GUCY2F: variants seen among roughly 807,000 people sequenced by gnomAD.
GUCY2F encodes the protein retinal guanylyl cyclase 2.
Under a neutral mutation model 73.1 loss-of-function variants are expected in GUCY2F, and 61 were observed. The observed-to-expected ratio is 0.83, with a 90% CI of 0.68 to 1.03. GUCY2F has a LOEUF of 1.03. Among genes scored for constraint, GUCY2F ranks in the 50% least tolerant of loss-of-function variants. The probability of loss-of-function intolerance (pLI) is 0.00; values close to 1 mark genes in which losing one functional copy is unlikely to be tolerated. For synonymous variants in GUCY2F, 331 were observed against 307.8 expected, an observed-to-expected ratio of 1.08 and a Z score of -0.79; for missense variants, 912 against 854.3, an observed-to-expected ratio of 1.07 and a Z score of -0.84.
At position 109,465,122 on chromosome X, in the gene GUCY2F, A is replaced by C. The variant is rs770137904; in HGVS notation, c.1032+20T>G. The C allele has an allele frequency of 4.3e-5, 50 of 1,152,271 alleles. No homozygotes were observed. Among genetic ancestry groups the C allele is most frequent in the Non-Finnish European group, 5.7e-5 (48 of 846,797 alleles). The allele number at this position is 1,152,271 out of a possible 1,213,427, so 95.0% of individuals were successfully genotyped here. A position where few individuals can be genotyped will look rare whatever the true frequency, so the allele number is the denominator to read the frequency against. On this transcript the variant is annotated intron_variant, in intron 3 of 19. Coordinates refer to ENST00000218006, the MANE Select transcript of GUCY2F (RefSeq NM_001522.3). ...TGTTTTAGGTTCTCAGCTCATGACA[A>C]CCTATGAATGTGTACTTACTTGATC...
intron 8 of GUCY2F, among the ~76,000 whole-genome samples, chrX:109,419,407 A>G (rs978609291): frequency 7.2e-5 from 8 of 111,102 alleles, no homozygotes; most frequent in Non-Finnish European, 1.3e-4. Context: ...TCTTTCAAAA[A>G]CTATGTAATT....
intron 12 of GUCY2F, among the ~76,000 whole-genome samples, chrX:109,393,805 T>C (rs1930633565): frequency 8.9e-6 from 1 of 112,395 alleles, no homozygotes. Context: ...GTAGCCCCTC[T>C]GTACTGCTAT....
rs941900767 is a variant in GUCY2F, at chrX:109,465,235, G to A, written c.939C>T (p.Thr313=). Reference sequence around the variant, plus strand: ...TCTTTTCTTGGGACTCCACTGTAATGGTCAACACTGCATCATAGGCTTCCC... The same window carrying A: ...TCTTTTCTTGGGACTCCACTGTAATAGTCAACACTGCATCATAGGCTTCCC... ...KLREAYDAVL[T]ITVESQEKTF... is the part of the protein sequence containing the mutation. Residue 313 remains threonine (T), a synonymous_variant, in exon 3 of 20, where the codon ACC becomes ACT. Transcript: ENST00000218006. 1.3e-5 allele frequency: 16 copies of A among 1,205,233 alleles called. No homozygotes were observed. The highest frequency in any genetic ancestry group is 1.7e-5 in the Non-Finnish European group (15 of 890,834).
chrX:109,405,229 A>G (rs759336944), intron 9 of GUCY2F, among the ~76,000 whole-genome samples: 1 of 112,645 alleles, frequency 8.9e-6, no homozygotes, highest in East Asian at 2.8e-4. Context: ...TGTAATGCAT[A>G]TAAATACACA....
intron 10 of GUCY2F, among the ~76,000 whole-genome samples, chrX:109,403,812 G>C (rs1380487556): frequency 1.8e-5 from 2 of 112,085 alleles, no homozygotes; most frequent in East Asian, 2.8e-4. Flanking sequence ...TTTGACACAG[G>C]CATGGCTACT....
chrX:109,398,524 G>A (rs1221191135), intron 11 of GUCY2F, 25 bp downstream of exon 11: 2 of 1,188,275 alleles, frequency 1.7e-6, no homozygotes, highest in Non-Finnish European at 1.1e-6. Flanking sequence ...GGACCCCTGG[G>A]GCCCTTTTCT....
At chrX:109,444,899 C>A (rs2147274009) in intron 6 of GUCY2F, among the ~76,000 whole-genome samples, 1 of 111,267 alleles carries the variant, frequency 9.0e-6, no homozygotes, top group East Asian at 2.8e-4. Context: ...TTTTAAATAA[C>A]TGTGAGGGTG....
intron 16 of GUCY2F, chrX:109,383,237 C>T (rs1165806424): frequency 3.6e-5 from 5 of 137,467 alleles, no homozygotes; most frequent in African/African-American, 1.3e-4. Context: ...TACACATGCC[C>T]AGCCAGTATA....
intron 1 of GUCY2F, among the ~76,000 whole-genome samples, chrX:109,477,463 G>A (rs1932721314): frequency 8.9e-6 from 1 of 111,882 alleles, no homozygotes; most frequent in African/African-American, 3.3e-5. Flanking sequence ...GAAAAAAATA[G>A]AAAGCTGAAC....
At chrX:109,452,520 G>A (rs1932156450) in intron 4 of GUCY2F, among the ~76,000 whole-genome samples, 2 of 111,843 alleles carry the variant, frequency 1.8e-5, no homozygotes, top group Non-Finnish European at 3.8e-5. Flanking sequence ...ATTCACCTGA[G>A]CCCATATGAG....
chrX:109,400,452 G>A (rs1052243530), intron 10 of GUCY2F, among the ~76,000 whole-genome samples: 2 of 111,785 alleles, frequency 1.8e-5, no homozygotes, highest in Admixed American at 1.9e-4. Context: ...TGGGTATTGG[G>A]AAGAGAGTCC....
At chrX:109,399,210 T>G (rs186652431) in intron 10 of GUCY2F, among the ~76,000 whole-genome samples, 12 of 112,839 alleles carry the variant, frequency 1.1e-4, no homozygotes, top group African/African-American at 3.5e-4. Flanking sequence ...CAACAATTCC[T>G]TCAACTCAGT....
At chrX:109,405,905 A>G (rs777679565) in intron 9 of GUCY2F, among the ~76,000 whole-genome samples, 3 of 111,880 alleles carry the variant, frequency 2.7e-5, no homozygotes, top group Non-Finnish European at 5.6e-5. Flanking sequence ...CAGACACTCT[A>G]TAACAACGAG....
chrX:109,388,889 A>G lies in GUCY2F; in HGVS notation c.2782-226T>C, dbSNP rs1930500779. ...CACCAAGAGATTCTGAAATAAGTGT[A>G]GCTACCTCACAGGCTCCTGATTGAC... is the stretch of plus-strand genomic sequence containing the variant. On this transcript the variant is annotated intron_variant, in intron 14 of 19. Coordinates refer to ENST00000218006, the MANE Select transcript of GUCY2F (RefSeq NM_001522.3). 4.5e-5 allele frequency among the ~76,000 whole-genome samples: 5 copies of G among 111,371 alleles called. No homozygotes were observed. In the Admixed American group the frequency reaches 4.7e-4, roughly 11 times the overall value.
At position 109,433,861 on chromosome X, in the gene GUCY2F, A is replaced by C. The variant is rs769736031; in HGVS notation, c.1702-3465T>G. Among the ~76,000 whole-genome samples the C allele has an allele frequency of 4.5e-5, 5 of 111,076 alleles. No individual in the cohort carries two copies. In the East Asian group the frequency reaches 1.4e-3, roughly 32 times the overall value. On this transcript the variant is annotated intron_variant, in intron 7 of 19. Transcript: ENST00000218006. ...ACTCAAGGGTGGCCTTAGAACAGCCACTCAATCTGCCTGAGCCTCAGTTTC... is the reference window on the plus strand; with the variant it reads ...ACTCAAGGGTGGCCTTAGAACAGCCCCTCAATCTGCCTGAGCCTCAGTTTC...
chrX:109,441,391 G>C lies in GUCY2F; in HGVS notation c.1661C>G (p.Thr554Ser), dbSNP rs1931863879. The part of the protein sequence containing the change: ...PRLSFSSGSL[T>S]PATYENSNIA... The stretch of plus-strand genomic sequence containing the variant: ...GTTGGAGTTTTCATAGGTAGCTGGA[G>C]TTAGACTCCCTGAAGAAAAGGAGAG... Residue 554 changes from threonine to serine, a missense_variant, in exon 7 of 20, where the codon ACT becomes AGT. Physicochemically the swap from Thr to Ser is moderately conservative, Grantham distance 58. Transcript: ENST00000218006. 2 of 1,160,367 alleles carry C rather than the reference G, an allele frequency of 1.7e-6. No individual in the cohort carries two copies. The highest frequency in any genetic ancestry group is 2.3e-5 in the Admixed American group (1 of 43,916).
At chrX:109,449,143 G>C (rs1363140007) in intron 5 of GUCY2F, among the ~76,000 whole-genome samples, 1 of 111,643 alleles carries the variant, frequency 9.0e-6, no homozygotes, top group East Asian at 2.8e-4. Context: ...ATGTGTTAAA[G>C]CCAAGAGCCA....
intron 16 of GUCY2F, among the ~76,000 whole-genome samples, chrX:109,383,178 C>T (rs926922988): frequency 1.8e-5 from 2 of 111,728 alleles, no homozygotes; most frequent in Non-Finnish European, 1.9e-5. Flanking sequence ...CTCATTAACT[C>T]ATGATCATCC....
chrX:109,476,811 G>A (rs780788010), intron 1 of GUCY2F, among the ~76,000 whole-genome samples: 5 of 105,853 alleles, frequency 4.7e-5, no homozygotes, highest in East Asian at 5.7e-4. Flanking sequence ...ATATATGTGC[G>A]TGTGTATATA....
Sources: allele counts gnomAD v4.1 joint callset (sites outside exome capture counted in the v4.1 genomes callset), GRCh38; gene constraint gnomAD v4.1.1; transcripts MANE v1.5; gene names NCBI Gene and HGNC (gene_info 2026-07-23, HGNC 2026-07-21).